The following SLC9C2 variants were observed in gnomAD, a reference collection of about 807,000 sequenced individuals.
SLC9C2 encodes the protein solute carrier family 9 member C2 (putative), also known as sodium/hydrogen exchanger 11.
A neutral mutation model predicts 140.2 loss-of-function variants in SLC9C2; 75 were observed. That is an observed-to-expected ratio of 0.53 (90% CI 0.44 to 0.65). SLC9C2 has a LOEUF of 0.65. SLC9C2 is among the 30% of genes least tolerant of loss of function. The pLI is 0.00. For synonymous variants in SLC9C2, 375 were observed against 420.9 expected, an observed-to-expected ratio of 0.89 and a Z score of 1.34; for missense variants, 1,074 against 1,331.8, an observed-to-expected ratio of 0.81 and a Z score of 3.01.
rs904549894 is a variant in SLC9C2 at position 173,525,845 on chromosome 1, A to G, written c.2365+818T>C. Among the ~76,000 whole-genome samples the G allele has an allele frequency of 6.4e-4, 97 of 152,338 alleles. 1 individual carries two copies. Among genetic ancestry groups the G allele is most frequent in the African/African-American group, 2.1e-3 (86 of 41,582 alleles). On this transcript the variant is annotated intron_variant, in intron 19 of 27. Transcript: ENST00000367714. ...AATCTTTAAAAGCACAGAAATAAAA[A>G]TCTGTCAACATATAAATGGCAACAA...
intron 13 of SLC9C2, among the ~76,000 whole-genome samples, chr1:173,543,342 A>G (rs1361543753): frequency 1.3e-5 from 2 of 152,238 alleles, no homozygotes; most frequent in African/African-American, 2.4e-5. Flanking sequence ...CCACTGCTCA[A>G]TGAAATAAAA....
At chr1:173,518,504 A>T (rs755155500) in intron 22 of SLC9C2, among the ~76,000 whole-genome samples, 1 of 152,204 alleles carries the variant, frequency 6.6e-6, no homozygotes, top group African/African-American at 2.4e-5. Flanking sequence ...TGCAATATCA[A>T]CAGGAAAAGG....
At chr1:173,555,819 C>T (rs1391568968) in intron 10 of SLC9C2, among the ~76,000 whole-genome samples, 1 of 152,126 alleles carries the variant, frequency 6.6e-6, no homozygotes, top group Non-Finnish European at 1.5e-5. Flanking sequence ...GATACTCCAT[C>T]AAAAATAGCA....
rs10494490 is a variant in SLC9C2 at position 173,547,764 on chromosome 1, A to G, written c.1482T>C (p.Asn494=). The change falls in exon 13 of 28, where the codon AAT becomes AAC. Residue 494 remains asparagine, a synonymous_variant. Coordinates refer to ENST00000367714, the MANE Select transcript of SLC9C2 (RefSeq NM_178527.4). Reference sequence around the variant, plus strand: ...CTGTTGTGGATTCTGTCTTCATATCATTATGTGAAACGTGGGAAAACTGAA... The same window carrying G: ...CTGTTGTGGATTCTGTCTTCATATCGTTATGTGAAACGTGGGAAAACTGAA... ...EYIPFSHVSH[N]DMKTESTTDE... The G allele has an allele frequency of 0.26, 413,644 of 1,599,402 alleles. 66,160 individuals carry two copies. The highest frequency in any genetic ancestry group is 0.65 in the East Asian group (28,775 of 44,540).
At chr1:173,562,508 T>C (rs997672243) in intron 9 of SLC9C2, among the ~76,000 whole-genome samples, 3 of 152,200 alleles carry the variant, frequency 2.0e-5, no homozygotes, top group African/African-American at 7.2e-5. Flanking sequence ...CAAGGGTAAG[T>C]GATTTTATAA....
intron 24 of SLC9C2, among the ~76,000 whole-genome samples, chr1:173,507,299 T>C (rs1384465413): frequency 6.6e-6 from 1 of 152,034 alleles, no homozygotes; most frequent in African/African-American, 2.4e-5. Flanking sequence ...AGCAGGGTAG[T>C]TGGCTATGAC....
chr1:173,532,099 A>G (rs899303886), intron 17 of SLC9C2, among the ~76,000 whole-genome samples: 1 of 152,242 alleles, frequency 6.6e-6, no homozygotes, highest in African/African-American at 2.4e-5. Flanking sequence ...ACACCAATGT[A>G]GAATAAATGA....
intron 11 of SLC9C2, among the ~76,000 whole-genome samples, chr1:173,549,372 G>C (rs1171679199): frequency 6.6e-6 from 1 of 152,192 alleles, no homozygotes; most frequent in African/African-American, 2.4e-5. Flanking sequence ...CTGTAACCTG[G>C]AGCAAAGAGG....
At chr1:173,544,778 G>A (rs1662715018) in intron 13 of SLC9C2, among the ~76,000 whole-genome samples, 1 of 152,130 alleles carries the variant, frequency 6.6e-6, no homozygotes, top group Non-Finnish European at 1.5e-5. Flanking sequence ...AACACCACAT[G>A]TTCTCACTCA....
chr1:173,507,102 A>G (rs1659696910), intron 24 of SLC9C2, 61 bp from the exon 25 acceptor site: 1 of 1,298,304 alleles, frequency 7.7e-7, no homozygotes, highest in African/African-American at 1.5e-5. Flanking sequence ...TATCAAGAAG[A>G]AAACAGATTT....
At chr1:173,544,136 C>A (rs544642264) in intron 13 of SLC9C2, among the ~76,000 whole-genome samples, 39 of 152,124 alleles carry the variant, frequency 2.6e-4, no homozygotes. Flanking sequence ...CAAGAATCTC[C>A]AAAGAACTTA....
chr1:173,539,190 T>C (rs1662193371), intron 13 of SLC9C2, among the ~76,000 whole-genome samples: 1 of 152,030 alleles, frequency 6.6e-6, no homozygotes, highest in African/African-American at 2.4e-5. Context: ...AAACTCACAA[T>C]GGAAAATGTA....
At chr1:173,540,255 T>C (rs935404287) in intron 13 of SLC9C2, among the ~76,000 whole-genome samples, 2 of 152,136 alleles carry the variant, frequency 1.3e-5, no homozygotes, top group Non-Finnish European at 1.5e-5. Flanking sequence ...CCTCCAACCA[T>C]AGCTGATCTA....
intron 13 of SLC9C2, among the ~76,000 whole-genome samples, chr1:173,543,343 T>C (rs941295896): frequency 6.6e-6 from 1 of 151,986 alleles, no homozygotes; most frequent in Non-Finnish European, 1.5e-5. Flanking sequence ...CACTGCTCAA[T>C]GAAATAAAAG....
At chr1:173,535,561 G>T (rs114122803) in intron 15 of SLC9C2, among the ~76,000 whole-genome samples, 3 of 152,026 alleles carry the variant, frequency 2.0e-5, no homozygotes, top group Non-Finnish European at 4.4e-5. Context: ...TAAGCAGCCC[G>T]CAACACACTA....
chr1:173,567,784 G>C (rs1403452077), intron 9 of SLC9C2, among the ~76,000 whole-genome samples: 1 of 151,914 alleles, frequency 6.6e-6, no homozygotes, highest in Non-Finnish European at 1.5e-5. Context: ...TTCACTGGCA[G>C]TATGATTTAA....
intron 26 of SLC9C2, among the ~76,000 whole-genome samples, chr1:173,503,746 A>T (rs1220305506): frequency 6.6e-6 from 1 of 152,176 alleles, no homozygotes; most frequent in Non-Finnish European, 1.5e-5. Context: ...AATGCAAAAC[A>T]TTTGTTTCTA....
chr1:173,532,767 C>A (rs915843214), intron 17 of SLC9C2, among the ~76,000 whole-genome samples: 4 of 152,054 alleles, frequency 2.6e-5, no homozygotes, highest in African/African-American at 9.7e-5. Context: ...CCAAAACAGG[C>A]CGAGTATGGT....
At chr1:173,561,250 G>T (rs1664083148) in intron 9 of SLC9C2, among the ~76,000 whole-genome samples, 1 of 152,178 alleles carries the variant, frequency 6.6e-6, no homozygotes, top group Admixed American at 6.5e-5. Flanking sequence ...ACTTCAAACA[G>T]CAAGTCCTAT....
Sources: allele counts gnomAD v4.1 joint callset (sites outside exome capture counted in the v4.1 genomes callset), GRCh38; gene constraint gnomAD v4.1.1; transcripts MANE v1.5; gene names NCBI Gene and HGNC (gene_info 2026-07-23, HGNC 2026-07-21).